The following PRPS2 variants were observed in gnomAD, a reference collection of about 807,000 sequenced individuals.
PRPS2 encodes the protein phosphoribosyl pyrophosphate synthetase 2, also known as ribose-phosphate pyrophosphokinase 2.
For synonymous variants in PRPS2, 111 were observed against 115.3 expected (o/e 0.96, Z 0.24); for missense variants, 104 against 271.5 (o/e 0.38, Z 4.34).
intron 1 of PRPS2, among the ~76,000 whole-genome samples, chrX:12,796,919 T>A (rs945167307): frequency 1.0e-5 from 1 of 98,027 alleles, no homozygotes; most frequent in Admixed American, 1.2e-4. Context: ...GGTTGGACAT[T>A]CCAAATCTCC....
intron 2 of PRPS2, among the ~76,000 whole-genome samples, chrX:12,800,737 T>C (rs5979737): frequency 7.1e-4 from 80 of 111,932 alleles, no homozygotes; most frequent in African/African-American, 2.4e-3. Context: ...TCCCCTCATA[T>C]TTGAAAAAAA....
chrX:12,803,117 AG>A (rs1460255663), intron 2 of PRPS2, among the ~76,000 whole-genome samples: 4 of 112,056 alleles, frequency 3.6e-5, no homozygotes, highest in African/African-American at 1.3e-4. Context: ...TCCAACATCA[AG>A]GTGTTGGCAG....
intron 1 of PRPS2, among the ~76,000 whole-genome samples, chrX:12,797,248 C>T (rs775811662): frequency 4.6e-4 from 51 of 109,915 alleles, no homozygotes; most frequent in Admixed American, 4.9e-4. Context: ...ATCCGAGCTA[C>T]TCGGGAGGCT....
At chrX:12,821,181 C>T (rs779014219) in intron 6 of PRPS2, among the ~76,000 whole-genome samples, 2 of 112,084 alleles carry the variant, frequency 1.8e-5, no homozygotes, top group South Asian at 3.7e-4. Flanking sequence ...GCACTATTCA[C>T]AATAACCAAA....
At chrX:12,813,981 A>G (rs758572777) in intron 4 of PRPS2, among the ~76,000 whole-genome samples, 11 of 108,314 alleles carry the variant, frequency 1.0e-4, no homozygotes, top group Non-Finnish European at 3.8e-5. Flanking sequence ...ATGATTCTGT[A>G]TATTTTTTTC....
chrX:12,801,639 C>T (rs1289506872), intron 2 of PRPS2, among the ~76,000 whole-genome samples: 5 of 112,566 alleles, frequency 4.4e-5, no homozygotes, highest in African/African-American at 1.6e-4. Flanking sequence ...GACGGAGTCT[C>T]ACTCTGTCAC....
chrX:12,806,945 G>A (rs753710474), intron 2 of PRPS2, among the ~76,000 whole-genome samples: 7 of 111,258 alleles, frequency 6.3e-5, no homozygotes, highest in Admixed American at 9.5e-5. Context: ...AAAATTAGCC[G>A]GTTGTGGTGG....
chrX:12,810,191 G>C (rs763950209), intron 4 of PRPS2, 45 bp downstream of exon 4: 1 of 1,198,015 alleles, frequency 8.3e-7, no homozygotes. Flanking sequence ...TCTGCTGATT[G>C]GTTTTTCCTT....
At chrX:12,813,612 A>G (rs1042013028) in intron 4 of PRPS2, among the ~76,000 whole-genome samples, 3 of 111,816 alleles carry the variant, frequency 2.7e-5, no homozygotes, top group African/African-American at 9.7e-5. Flanking sequence ...CAGATCAGGT[A>G]GGTGATCTAT....
At chrX:12,802,653 T>G (rs1481471848) in intron 2 of PRPS2, among the ~76,000 whole-genome samples, 20 of 112,650 alleles carry the variant, frequency 1.8e-4, no homozygotes, top group African/African-American at 6.1e-4. Flanking sequence ...TTAACTGTTT[T>G]GTGGAACTGT....
chrX:12,811,118 C>T (rs1052955244), intron 4 of PRPS2, among the ~76,000 whole-genome samples: 1 of 112,409 alleles, frequency 8.9e-6, no homozygotes, highest in Non-Finnish European at 1.9e-5. Context: ...CAACCTGACC[C>T]GATGCCTGAT....
chrX:12,804,985 T>C (rs1357027796), intron 2 of PRPS2, among the ~76,000 whole-genome samples: 1 of 112,096 alleles, frequency 8.9e-6, no homozygotes, highest in East Asian at 2.8e-4. Context: ...TCTGGAAGCT[T>C]TTAACCAGAT....
chrX:12,806,198 A>T (rs2042592931), intron 2 of PRPS2, among the ~76,000 whole-genome samples: 1 of 111,631 alleles, frequency 9.0e-6, no homozygotes, highest in Non-Finnish European at 1.9e-5. Context: ...CATTTTCAAG[A>T]TCATGTTCTG....
intron 6 of PRPS2, among the ~76,000 whole-genome samples, chrX:12,821,892 C>T (rs1346051819): frequency 8.9e-6 from 1 of 112,380 alleles, no homozygotes; most frequent in Non-Finnish European, 1.9e-5. Context: ...GCCTCTATGT[C>T]GCTGTGAACC....
chrX:12,822,029 G>A (rs1406632569), intron 6 of PRPS2, among the ~76,000 whole-genome samples: 1 of 112,392 alleles, frequency 8.9e-6, no homozygotes, highest in Non-Finnish European at 1.9e-5. Flanking sequence ...ACACAAAGCA[G>A]TAAGTCTGGA....
chrX:12,802,446 G>A (rs898014594), intron 2 of PRPS2, among the ~76,000 whole-genome samples: 3 of 111,769 alleles, frequency 2.7e-5, no homozygotes, highest in Non-Finnish European at 5.6e-5. Context: ...CAGGTTTAAG[G>A]ATTCTCCTGC....
intron 1 of PRPS2, among the ~76,000 whole-genome samples, chrX:12,794,817 A>C (rs2042535958): frequency 8.9e-6 from 1 of 112,115 alleles, no homozygotes; most frequent in South Asian, 3.8e-4. Context: ...GAGTAAAAAC[A>C]GGCCAAAGAA....
At chrX:12,814,083 G>A (rs1486347176) in intron 4 of PRPS2, among the ~76,000 whole-genome samples, 4 of 95,149 alleles carry the variant, frequency 4.2e-5, no homozygotes, top group African/African-American at 1.3e-4. Flanking sequence ...CGACTCTACT[G>A]TCTAGTTTTT....
intron 6 of PRPS2, 103 bp downstream of exon 6, chrX:12,820,906 A>T (rs2042672428): frequency 4.3e-6 from 4 of 928,233 alleles, no homozygotes; most frequent in Admixed American, 3.0e-5. Flanking sequence ...GCTAAGGCAC[A>T]TGCTTGGCAG....
Sources: gnomAD v4.1 joint callset for allele counts (sites outside exome capture counted in the v4.1 genomes callset) on GRCh38, gnomAD v4.1.1 for gene constraint, MANE v1.5 for transcripts, NCBI Gene and HGNC (gene_info 2026-07-23, HGNC 2026-07-21) for gene names.